CDH4: variants seen among roughly 807,000 people sequenced by gnomAD.
CDH4 encodes cadherin-4.
Under a neutral mutation model 86.0 loss-of-function variants are expected in CDH4, and 33 were observed. The observed-to-expected ratio is 0.38, with a 90% CI of 0.29 to 0.51. CDH4 has a LOEUF of 0.51. CDH4 is among the 20% of genes least tolerant of loss of function. The pLI, the probability that CDH4 is intolerant of heterozygous loss-of-function variation, is 0.86. For missense variants in CDH4, 1,114 were observed against 1,307.4 expected (o/e 0.85, Z 2.28); for synonymous variants, 555 against 549.4 (o/e 1.01, Z -0.14).
chr20:61,830,845 G>A (rs994555032), intron 4 of CDH4, among the ~76,000 whole-genome samples: 3 of 152,208 alleles, frequency 2.0e-5, no homozygotes, highest in African/African-American at 7.2e-5. Context: ...TCTCGGAGCT[G>A]CAGGAGCTTG....
chr20:61,460,552 G>A (rs775812162), intron 2 of CDH4, among the ~76,000 whole-genome samples: 1 of 152,232 alleles, frequency 6.6e-6, no homozygotes, highest in Non-Finnish European at 1.5e-5. Context: ...TTGGGGATAA[G>A]GGCCTTGGGC....
chr20:61,601,141 G>A (rs552014545), intron 2 of CDH4, among the ~76,000 whole-genome samples: 10 of 152,304 alleles, frequency 6.6e-5, no homozygotes, highest in African/African-American at 2.4e-4. Context: ...TCAGCTTCTG[G>A]AGAGGCCTCA....
At chr20:61,747,112 A>T (rs964377439) in intron 3 of CDH4, among the ~76,000 whole-genome samples, 2 of 152,204 alleles carry the variant, frequency 1.3e-5, no homozygotes, top group Admixed American at 6.5e-5. Flanking sequence ...GGGACAAGAC[A>T]TAGAAAGAAC....
intron 2 of CDH4, among the ~76,000 whole-genome samples, chr20:61,424,579 A>G (rs899536981): frequency 1.3e-5 from 2 of 152,178 alleles, no homozygotes; most frequent in Admixed American, 6.5e-5. Flanking sequence ...TGGTCCTCCC[A>G]TGGCCCTTGT....
chr20:61,503,515 T>C (rs373825995), intron 2 of CDH4, among the ~76,000 whole-genome samples: 3 of 152,206 alleles, frequency 2.0e-5, no homozygotes, highest in East Asian at 3.9e-4. Context: ...GAAGAGTAAG[T>C]GTGTCCTGGA....
At chr20:61,322,766 A>T (rs1353208158) in intron 2 of CDH4, among the ~76,000 whole-genome samples, 3 of 152,158 alleles carry the variant, frequency 2.0e-5, no homozygotes, top group Non-Finnish European at 4.4e-5. Context: ...AACACTCACA[A>T]CTGGAGAGGA....
intron 7 of CDH4, among the ~76,000 whole-genome samples, chr20:61,883,501 A>G (rs1482216351): frequency 6.6e-6 from 1 of 152,150 alleles, no homozygotes; most frequent in Non-Finnish European, 1.5e-5. Flanking sequence ...CACAGCAGAG[A>G]ACGACCCAGC....
chr20:61,497,076 A>G (rs1051984949), intron 2 of CDH4, among the ~76,000 whole-genome samples: 2 of 148,770 alleles, frequency 1.3e-5, no homozygotes, highest in African/African-American at 5.0e-5. Context: ...TTGGCATGGT[A>G]TTTTTCATAT....
rs951144842 is a variant in CDH4, at chr20:61,811,367, G to A, written c.577-33301G>A. Among the ~76,000 whole-genome samples the A allele has an allele frequency of 6.6e-6, 1 of 152,180 alleles. No homozygotes were observed. The highest frequency in any genetic ancestry group is 2.4e-5 in the African/African-American group (1 of 41,438). ...CCCCTTCCCGGCTTACACAGACACAGCCCAGGAGAAAAAGCAGTGACCATT... is the reference window on the plus strand; with the variant it reads ...CCCCTTCCCGGCTTACACAGACACAACCCAGGAGAAAAAGCAGTGACCATT... On this transcript the variant is annotated intron_variant, in intron 4 of 15. Coordinates refer to ENST00000614565, the MANE Select transcript of CDH4 (RefSeq NM_001794.5). This position sits in a 1 kb window ranked among gnomAD's most constrained non-coding sequence, Gnocchi z 4.4.
chr20:61,424,286 T>C (rs2085198828), intron 2 of CDH4, among the ~76,000 whole-genome samples: 1 of 148,902 alleles, frequency 6.7e-6, no homozygotes, highest in Admixed American at 6.7e-5. Flanking sequence ...ACAACACACA[T>C]GTATCCAAAC....
At chr20:61,881,920 C>T (rs1226478265) in intron 7 of CDH4, among the ~76,000 whole-genome samples, 1 of 152,208 alleles carries the variant, frequency 6.6e-6, no homozygotes. Context: ...GACCCTAAAT[C>T]CTTACAGAGG....
intron 2 of CDH4, among the ~76,000 whole-genome samples, chr20:61,362,705 C>G (rs2084790630): frequency 6.6e-6 from 1 of 152,042 alleles, no homozygotes; most frequent in Non-Finnish European, 1.5e-5. Flanking sequence ...CCGGGGCCAT[C>G]AGTGCCCCTG....
At chr20:61,429,981 A>T (rs184220609) in intron 2 of CDH4, among the ~76,000 whole-genome samples, 1 of 152,218 alleles carries the variant, frequency 6.6e-6, no homozygotes, top group Non-Finnish European at 1.5e-5. Flanking sequence ...GCTTGGAGCC[A>T]TGCTTCTCAC....
chr20:61,721,518 G>A (rs573586605), intron 2 of CDH4, among the ~76,000 whole-genome samples: 4 of 152,342 alleles, frequency 2.6e-5, no homozygotes, highest in East Asian at 3.9e-4. Flanking sequence ...AGGGTAAAAT[G>A]TCATATAACT....
chr20:61,274,389 G>T (rs1480201300), intron 2 of CDH4, among the ~76,000 whole-genome samples: 1 of 52,296 alleles, frequency 1.9e-5, no homozygotes, highest in Non-Finnish European at 3.4e-5. Flanking sequence ...TGTGCAGTTT[G>T]GGGGGAGTAC....
chr20:61,869,502 C>T (rs1258143048), intron 6 of CDH4, among the ~76,000 whole-genome samples: 1 of 152,226 alleles, frequency 6.6e-6, no homozygotes, highest in Admixed American at 6.5e-5. Context: ...TCTAGCAGAG[C>T]TCACTGGACC....
At chr20:61,649,043 C>T (rs770899970) in intron 2 of CDH4, among the ~76,000 whole-genome samples, 1 of 152,182 alleles carries the variant, frequency 6.6e-6, no homozygotes, top group African/African-American at 2.4e-5. Flanking sequence ...TATCTATATT[C>T]GTTTATTTTC....
At chr20:61,358,330 A>G (rs1056738586) in intron 2 of CDH4, among the ~76,000 whole-genome samples, 1 of 152,182 alleles carries the variant, frequency 6.6e-6, no homozygotes, top group Non-Finnish European at 1.5e-5. Flanking sequence ...TGCCCTGCAC[A>G]CAGCACCCAC....
At chr20:61,450,793 C>T (rs1260731082) in intron 2 of CDH4, among the ~76,000 whole-genome samples, 1 of 149,882 alleles carries the variant, frequency 6.7e-6, no homozygotes, top group Non-Finnish European at 1.5e-5. Context: ...ACCCTGCTCT[C>T]CAATGGAGAG....
Sources: allele counts gnomAD v4.1 joint callset (sites outside exome capture counted in the v4.1 genomes callset), GRCh38; gene constraint gnomAD v4.1.1; non-coding constraint Gnocchi (gnomAD v3.1); transcripts MANE v1.5; gene names NCBI Gene and HGNC (gene_info 2026-07-23, HGNC 2026-07-21).